Variants in FBXO4 observed in about 807,000 individuals in gnomAD.
The protein encoded by FBXO4 is F-box protein 4.
In FBXO4, 36 loss-of-function variants were observed where a neutral mutation model predicts 43.7. That is an observed-to-expected ratio of 0.82 (90% CI 0.63 to 1.09). FBXO4 has a LOEUF of 1.09. FBXO4 is among the 50% of genes least tolerant of loss of function. The pLI, the probability that FBXO4 is intolerant of heterozygous loss-of-function variation, is 0.00. For missense variants in FBXO4, 435 were observed against 474.1 expected (o/e 0.92, Z 0.77); for synonymous variants, 180 against 165.6 (o/e 1.09, Z -0.67).
chr5:41,965,349 A>T, the FBXO4 span, among the ~76,000 whole-genome samples: 3 of 152,130 alleles, frequency 2.0e-5, no homozygotes, highest in African/African-American at 7.2e-5. Context: ...TTGGCTTAGG[A>T]TTGACTTGGC....
chr5:41,929,389 A>G (rs992164421), intron 2 of FBXO4, among the ~76,000 whole-genome samples: 1 of 152,210 alleles, frequency 6.6e-6, no homozygotes, highest in Non-Finnish European at 1.5e-5. Context: ...TTATGTAGTA[A>G]AATTTCACCA....
the FBXO4 span, among the ~76,000 whole-genome samples, chr5:41,966,346 A>T: frequency 4.6e-5 from 7 of 152,234 alleles, no homozygotes; most frequent in Non-Finnish European, 1.0e-4. Context: ...TACACCAAAG[A>T]AACTATACAG....
chr5:41,952,440 A>G, the FBXO4 span, among the ~76,000 whole-genome samples: 4 of 152,220 alleles, frequency 2.6e-5, no homozygotes, highest in African/African-American at 9.7e-5. Context: ...AGTTGTTTGT[A>G]ATACCCTTAT....
chr5:41,953,325 C>T, the FBXO4 span, among the ~76,000 whole-genome samples: 2 of 151,264 alleles, frequency 1.3e-5, 1 homozygote, highest in African/African-American at 4.9e-5. Flanking sequence ...AGGACATGAA[C>T]TCATCATTTT....
the FBXO4 span, among the ~76,000 whole-genome samples, chr5:41,987,056 A>G: frequency 6.6e-6 from 1 of 152,162 alleles, no homozygotes. Context: ...CTAGAAAATG[A>G]TGAAACAAAT....
chr5:42,023,485 A>G, the FBXO4 span, among the ~76,000 whole-genome samples: 1 of 152,060 alleles, frequency 6.6e-6, no homozygotes, highest in African/African-American at 2.4e-5. Flanking sequence ...TAGGTATTCT[A>G]TTTGGGTACA....
the FBXO4 span, among the ~76,000 whole-genome samples, chr5:42,019,448 G>A: frequency 6.6e-6 from 1 of 152,116 alleles, no homozygotes; most frequent in African/African-American, 2.4e-5. Context: ...CAGCACTTTG[G>A]GAGTCCGAGG....
At chr5:42,023,904 CTG>C in the FBXO4 span, among the ~76,000 whole-genome samples, 1 of 151,944 alleles carries the variant, frequency 6.6e-6, no homozygotes, top group Non-Finnish European at 1.5e-5. Context: ...ACAAAGAAAA[CTG>C]TGGGCAACAT....
At chr5:42,001,507 C>G in the FBXO4 span, among the ~76,000 whole-genome samples, 8 of 152,286 alleles carry the variant, frequency 5.3e-5, no homozygotes, top group East Asian at 1.6e-3. Context: ...GCTGGGATTA[C>G]AGGTGAGGGC....
the FBXO4 span, among the ~76,000 whole-genome samples, chr5:41,959,657 C>G: frequency 1.3e-5 from 2 of 152,072 alleles, no homozygotes; most frequent in Non-Finnish European, 2.9e-5. Flanking sequence ...GACATCTTTG[C>G]CAAAAATTGA....
chr5:41,954,388 A>G, the FBXO4 span, among the ~76,000 whole-genome samples: 1,732 of 152,282 alleles, frequency 0.011, 36 homozygotes, highest in African/African-American at 0.04. Flanking sequence ...AATGTTATGC[A>G]ATTCTCCTTT....
the FBXO4 span, among the ~76,000 whole-genome samples, chr5:41,982,380 TTCCTATTTC>T: frequency 6.6e-6 from 1 of 152,180 alleles, no homozygotes; most frequent in Non-Finnish European, 1.5e-5. Flanking sequence ...TGTAAAAGTG[TTCCTATTTC>T]TCCACATCCT....
At chr5:41,925,774 C>A (rs1173386544) in intron 1 of FBXO4, among the ~76,000 whole-genome samples, 1 of 152,162 alleles carries the variant, frequency 6.6e-6, no homozygotes, top group African/African-American at 2.4e-5. Context: ...GGTTTTCCAC[C>A]CGCCAAAACA....
chr5:41,963,262 T>C, the FBXO4 span, among the ~76,000 whole-genome samples: 1 of 152,072 alleles, frequency 6.6e-6, no homozygotes, highest in Non-Finnish European at 1.5e-5. Context: ...AAAAATGTTT[T>C]GAAATTATTC....
chr5:41,936,920 C>G (rs1751865517), intron 5 of FBXO4, among the ~76,000 whole-genome samples: 1 of 151,592 alleles, frequency 6.6e-6, no homozygotes, highest in South Asian at 2.1e-4. Context: ...TTTTTACAAT[C>G]ACTTAGCTCT....
At chr5:41,942,509 A>G (rs922079891), downstream of FBXO4, among the ~76,000 whole-genome samples, 2 of 152,094 alleles carry the variant, frequency 1.3e-5, no homozygotes, top group African/African-American at 4.8e-5. Flanking sequence ...ATCAAATTCT[A>G]GGTCACTCAC....
chr5:41,960,667 G>A, the FBXO4 span, among the ~76,000 whole-genome samples: 3 of 151,966 alleles, frequency 2.0e-5, no homozygotes, highest in Non-Finnish European at 4.4e-5. Context: ...GTTTGATCAT[G>A]GTGAATTATT....
chr5:42,008,439 G>A, the FBXO4 span, among the ~76,000 whole-genome samples: 2 of 152,076 alleles, frequency 1.3e-5, no homozygotes, highest in African/African-American at 4.8e-5. Flanking sequence ...TGTTTCAGGG[G>A]ATTTGTTTTG....
chr5:41,926,703 A>G (rs1002100191), intron 1 of FBXO4, among the ~76,000 whole-genome samples: 3 of 152,242 alleles, frequency 2.0e-5, no homozygotes, highest in Non-Finnish European at 4.4e-5. Flanking sequence ...TGGTATATCC[A>G]AATATCTCTG....
Sources: gnomAD v4.1 joint callset for allele counts (sites outside exome capture counted in the v4.1 genomes callset) on GRCh38, gnomAD v4.1.1 for gene constraint, MANE v1.5 for transcripts, NCBI Gene and HGNC (gene_info 2026-07-23, HGNC 2026-07-21) for gene names.